Variants in GPR39 observed in about 807,000 individuals in gnomAD.
The protein encoded by GPR39 is zinc sensing receptor.
In GPR39, 23 loss-of-function variants were observed where a neutral mutation model predicts 18.4. That is an observed-to-expected ratio of 1.25 (90% confidence interval 0.90 to 1.77). The LOEUF is 1.77. Ranked by LOEUF, GPR39 falls within the 40% of genes most tolerant of loss-of-function variation. GPR39 has a pLI of 0.00. For synonymous variants in GPR39, 280 were observed against 257.9 expected (o/e 1.09, Z -0.82); for missense variants, 647 against 602.4 (o/e 1.07, Z -0.78).
chr2:132,427,238 C>T lies in GPR39; in HGVS notation c.856+9340C>T, dbSNP rs180721248. Among the ~76,000 whole-genome samples the T allele has an allele frequency of 5.4e-4, 79 of 145,910 alleles. 1 individual carries two copies. The highest frequency in any genetic ancestry group is 1.9e-3 in the African/African-American group (76 of 39,732). ...GGAGTGCAGTGGCACAATCTCAGCT[C>T]ACTGCAAGCTCTGCCTCCCAGGTTC... On this transcript the variant is annotated intron_variant, in intron 1 of 1. Coordinates refer to ENST00000329321, the MANE Select transcript of GPR39 (RefSeq NM_001508.3).
chr2:132,471,167 A>G (rs1681024021), intron 1 of GPR39, among the ~76,000 whole-genome samples: 1 of 152,178 alleles, frequency 6.6e-6, no homozygotes, highest in African/African-American at 2.4e-5. Flanking sequence ...GGTCTGTTGC[A>G]AGCTAGCCAC....
intron 1 of GPR39, among the ~76,000 whole-genome samples, chr2:132,425,201 C>T (rs1680095807): frequency 6.6e-6 from 1 of 152,210 alleles, no homozygotes; most frequent in Non-Finnish European, 1.5e-5. Context: ...TTCCATGAAG[C>T]CTTCCTGGAC....
At chr2:132,493,125 A>G (rs1283876533) in intron 1 of GPR39, among the ~76,000 whole-genome samples, 1 of 143,772 alleles carries the variant, frequency 7.0e-6, no homozygotes, top group African/African-American at 2.6e-5. Context: ...TACACATTCC[A>G]TATATATACC....
At chr2:132,445,400 T>G (rs779468684) in intron 1 of GPR39, among the ~76,000 whole-genome samples, 2 of 152,208 alleles carry the variant, frequency 1.3e-5, no homozygotes, top group Non-Finnish European at 2.9e-5. Context: ...GTCTTATCAC[T>G]CTTTAAAACC....
intron 1 of GPR39, among the ~76,000 whole-genome samples, chr2:132,549,624 TA>T (rs746181685): frequency 1.3e-5 from 2 of 152,050 alleles, no homozygotes; most frequent in Non-Finnish European, 2.9e-5. Flanking sequence ...CCAACTCTAC[TA>T]AAAATACAAA....
intron 1 of GPR39, among the ~76,000 whole-genome samples, chr2:132,433,547 CTGGAA>C (rs1680260040): frequency 6.6e-6 from 1 of 151,836 alleles, no homozygotes; most frequent in Admixed American, 6.6e-5. Flanking sequence ...ACTAGTGGTG[CTGGAA>C]GTGCTGCCAA....
rs2104888412 is a variant in GPR39 at position 132,645,852 on chromosome 2, TTCAG to T, written c.*251_*254del. 1 of 666,774 alleles carries T rather than the reference TTCAG, an allele frequency of 1.5e-6. No individual in the cohort carries two copies. Among genetic ancestry groups the T allele is most frequent in the African/African-American group, 1.8e-5 (1 of 54,862 alleles). The allele number at this position is 666,774 out of a possible 1,614,324, so 41.3% of individuals were successfully genotyped here. A position where few individuals can be genotyped will look rare whatever the true frequency, so the allele number is the denominator to read the frequency against. On this transcript the variant is annotated 3_prime_UTR_variant, in exon 2 of 2. Coordinates refer to ENST00000329321, the MANE Select transcript of GPR39 (RefSeq NM_001508.3). Reference sequence around the variant, plus strand: ...CCTTCCTTCAAGTACATACTGAAAATTCAGTCAGGCTGAATTTATTCAGAATGCT... The same window carrying T: ...CCTTCCTTCAAGTACATACTGAAAATTCAGGCTGAATTTATTCAGAATGCT...
In GPR39 at chr2:132,645,920, G is replaced by A; in HGVS notation, c.*314G>A. 2 of 721,824 alleles carry A rather than the reference G, an allele frequency of 2.8e-6. No individual in the cohort carries two copies. The highest frequency in any genetic ancestry group is 2.2e-5 in the South Asian group (1 of 46,050). 44.7% of individuals were successfully genotyped at this position (721,824 alleles called of 1,614,324 possible). A position where few individuals can be genotyped will look rare whatever the true frequency, so the allele number is the denominator to read the frequency against. ...TCATTATTTGCACAGGAACAAAAGA[G>A]AACACGGACTCCCGCTCCCTACCCA... On this transcript the variant is annotated 3_prime_UTR_variant, in exon 2 of 2. Transcript: ENST00000329321.
intron 1 of GPR39, among the ~76,000 whole-genome samples, chr2:132,638,718 A>G (rs1681809862): frequency 6.6e-6 from 1 of 152,204 alleles, no homozygotes; most frequent in African/African-American, 2.4e-5. Flanking sequence ...TATTGGATGT[A>G]TTTGTCTCTT....
At chr2:132,434,539 G>A (rs1680278299) in intron 1 of GPR39, among the ~76,000 whole-genome samples, 1 of 152,092 alleles carries the variant, frequency 6.6e-6, no homozygotes, top group East Asian at 1.9e-4. Context: ...TGGTCTACTT[G>A]CCCCCAAACA....
At chr2:132,616,868 G>A (rs1431591758) in intron 1 of GPR39, among the ~76,000 whole-genome samples, 5 of 152,192 alleles carry the variant, frequency 3.3e-5, no homozygotes, top group Admixed American at 6.5e-5. Context: ...ATTGAAACAC[G>A]CTTTCTTTCT....
intron 1 of GPR39, among the ~76,000 whole-genome samples, chr2:132,531,780 A>G (rs1573650302): frequency 6.6e-6 from 1 of 152,172 alleles, no homozygotes; most frequent in East Asian, 1.9e-4. Context: ...AGGCAGAAAT[A>G]AAGATGTTCT....
At chr2:132,585,190 C>T (rs184859306) in intron 1 of GPR39, among the ~76,000 whole-genome samples, 4 of 152,270 alleles carry the variant, frequency 2.6e-5, no homozygotes, top group African/African-American at 9.6e-5. Flanking sequence ...TGCACCCGCC[C>T]CTTTACCGTT....
chr2:132,534,798 A>C (rs932339998), intron 1 of GPR39, among the ~76,000 whole-genome samples: 1 of 151,652 alleles, frequency 6.6e-6, no homozygotes, highest in Admixed American at 6.6e-5. Context: ...ATGAGAACAC[A>C]TGGACACAGG....
intron 1 of GPR39, among the ~76,000 whole-genome samples, chr2:132,551,328 A>G (rs1405510971): frequency 6.6e-6 from 1 of 152,214 alleles, no homozygotes; most frequent in South Asian, 2.1e-4. Flanking sequence ...TTCTGTTTAG[A>G]TCTCACTAGC....
chr2:132,560,836 C>G (rs1323260389), intron 1 of GPR39, among the ~76,000 whole-genome samples: 2 of 152,134 alleles, frequency 1.3e-5, no homozygotes, highest in African/African-American at 4.8e-5. Context: ...ACTCAGCCTC[C>G]TTTTGCCCAT....
At chr2:132,510,102 T>A (rs1326673922) in intron 1 of GPR39, among the ~76,000 whole-genome samples, 1 of 152,126 alleles carries the variant, frequency 6.6e-6, no homozygotes, top group East Asian at 1.9e-4. Context: ...GAGCTAGTGG[T>A]TGAGATGGTT....
chr2:132,514,350 A>G (rs1028581833), intron 1 of GPR39, among the ~76,000 whole-genome samples: 13 of 152,086 alleles, frequency 8.5e-5, no homozygotes, highest in Admixed American at 4.6e-4. Flanking sequence ...CTGCCACTGT[A>G]CACCCTCACC....
chr2:132,526,840 C>T (rs1409162427), intron 1 of GPR39, among the ~76,000 whole-genome samples: 1 of 152,180 alleles, frequency 6.6e-6, no homozygotes, highest in Non-Finnish European at 1.5e-5. Flanking sequence ...AGCAAATGTA[C>T]TTTATGCTTT....
Sources: gnomAD v4.1 joint callset for allele counts (sites outside exome capture counted in the v4.1 genomes callset) on GRCh38, gnomAD v4.1.1 for gene constraint, MANE v1.5 for transcripts, NCBI Gene and HGNC (gene_info 2026-07-23, HGNC 2026-07-21) for gene names.